Variants in CNTNAP2 observed in about 807,000 individuals in gnomAD.
The protein encoded by CNTNAP2 is contactin associated protein 2.
Under a neutral mutation model 155.2 loss-of-function variants are expected in CNTNAP2, and 98 were observed. The ratio of observed to expected loss-of-function variants is 0.63; its 90% CI spans 0.54 to 0.75. The LOEUF (loss-of-function observed/expected upper bound fraction) is 0.75, where lower values mean the gene tolerates loss of function less well. CNTNAP2 is among the 30% of genes least tolerant of loss of function. CNTNAP2 has a pLI of 0.00. For synonymous variants in CNTNAP2, 651 were observed against 631.2 expected, an observed-to-expected ratio of 1.03 and a Z score of -0.47; for missense variants, 1,727 against 1,688.1, an observed-to-expected ratio of 1.02 and a Z score of -0.40.
chr7:146,309,812 A>C (rs1306374281), intron 1 of CNTNAP2, among the ~76,000 whole-genome samples: 1 of 150,488 alleles, frequency 6.6e-6, no homozygotes, highest in Non-Finnish European at 1.5e-5. Flanking sequence ...GAAAACAAAA[A>C]AAAGAAAGAA....
At chr7:147,358,442 A>G (rs968547059) in intron 9 of CNTNAP2, among the ~76,000 whole-genome samples, 2 of 152,122 alleles carry the variant, frequency 1.3e-5, no homozygotes, top group Admixed American at 6.5e-5. Flanking sequence ...ATTTGTAAAA[A>G]CATAAAGTAA....
intron 16 of CNTNAP2, among the ~76,000 whole-genome samples, chr7:148,122,867 A>AAAAAG (rs1554474591): frequency 2.5e-4 from 38 of 150,830 alleles, no homozygotes; most frequent in Middle Eastern, 6.8e-3. Context: ...AAAAAAAAAG[A>AAAAAG]AAAAAAAAGA....
intron 1 of CNTNAP2, among the ~76,000 whole-genome samples, chr7:146,416,860 CT>C (rs936493981): frequency 2.0e-5 from 3 of 152,214 alleles, no homozygotes; most frequent in South Asian, 4.1e-4. Flanking sequence ...ATTTCGCCAT[CT>C]TTTTAAAATG....
intron 1 of CNTNAP2, among the ~76,000 whole-genome samples, chr7:146,263,215 A>G (rs141612633): frequency 6.7e-6 from 1 of 149,096 alleles, no homozygotes; most frequent in East Asian, 2.0e-4. Flanking sequence ...GCTAATTGAG[A>G]GGCTGAGGCA....
At chr7:147,577,398 C>G (rs1309183693) in intron 12 of CNTNAP2, among the ~76,000 whole-genome samples, 1 of 151,954 alleles carries the variant, frequency 6.6e-6, no homozygotes, top group East Asian at 1.9e-4. Flanking sequence ...GTTTCTTCTC[C>G]CAGTGGTATT....
intron 3 of CNTNAP2, among the ~76,000 whole-genome samples, chr7:146,904,956 C>T (rs1048675620): frequency 1.3e-5 from 2 of 152,076 alleles, no homozygotes; most frequent in African/African-American, 4.8e-5. Flanking sequence ...TACACCTTAC[C>T]ACCGCATACT....
intron 8 of CNTNAP2, among the ~76,000 whole-genome samples, chr7:147,254,665 C>A (rs1804281439): frequency 6.6e-6 from 1 of 152,148 alleles, no homozygotes; most frequent in Non-Finnish European, 1.5e-5. Context: ...ACTCGAATAA[C>A]TTTACAGTTG....
At chr7:147,095,437 A>C (rs1416117550) in intron 4 of CNTNAP2, among the ~76,000 whole-genome samples, 2 of 151,948 alleles carry the variant, frequency 1.3e-5, no homozygotes, top group African/African-American at 4.8e-5. Flanking sequence ...TGTAACATTA[A>C]GAATAAGGTT....
intron 8 of CNTNAP2, among the ~76,000 whole-genome samples, chr7:147,272,622 T>C (rs1471290544): frequency 2.0e-5 from 3 of 151,496 alleles, no homozygotes; most frequent in African/African-American, 7.3e-5. Context: ...CCTCAGCCTC[T>C]CGAGTAGCTG....
intron 21 of CNTNAP2, among the ~76,000 whole-genome samples, chr7:148,369,529 C>A (rs1798849781): frequency 6.6e-6 from 1 of 151,868 alleles, no homozygotes; most frequent in Admixed American, 6.6e-5. Context: ...CACCCAGCCT[C>A]TGTTATCATT....
chr7:147,058,960 T>C (rs1799612987), intron 4 of CNTNAP2, among the ~76,000 whole-genome samples: 1 of 152,182 alleles, frequency 6.6e-6, no homozygotes, highest in Non-Finnish European at 1.5e-5. Flanking sequence ...GATTGTGTGT[T>C]TTTTTGCACT....
At chr7:147,098,646 T>G (rs760421915) in intron 4 of CNTNAP2, among the ~76,000 whole-genome samples, 9 of 152,226 alleles carry the variant, frequency 5.9e-5, no homozygotes, top group Non-Finnish European at 1.0e-4. Context: ...TGATCAAAAC[T>G]GATTTTTCAC....
At chr7:146,711,807 T>C (rs1480397179) in intron 1 of CNTNAP2, among the ~76,000 whole-genome samples, 30 of 118,496 alleles carry the variant, frequency 2.5e-4, no homozygotes, top group African/African-American at 5.4e-4. Flanking sequence ...AGTATACACA[T>C]CTTATGTATA....
chr7:148,044,914 A>G (rs372133621), intron 15 of CNTNAP2, among the ~76,000 whole-genome samples: 1 of 152,024 alleles, frequency 6.6e-6, no homozygotes, highest in East Asian at 1.9e-4. Context: ...ACTGGTCTTA[A>G]ACTCCTAGAC....
At chr7:146,422,062 CA>C (rs1308688579) in intron 1 of CNTNAP2, among the ~76,000 whole-genome samples, 1 of 151,416 alleles carries the variant, frequency 6.6e-6, no homozygotes, top group Non-Finnish European at 1.5e-5. Context: ...TTAGTATTTT[CA>C]CATCAACTGT....
chr7:148,045,504 T>C (rs765683941), intron 15 of CNTNAP2, among the ~76,000 whole-genome samples: 18 of 152,196 alleles, frequency 1.2e-4, no homozygotes, highest in Non-Finnish European at 2.2e-4. Context: ...ATACCTGGAT[T>C]GACCGCCTTG....
chr7:146,367,171 C>T (rs1795167700), intron 1 of CNTNAP2, among the ~76,000 whole-genome samples: 1 of 152,094 alleles, frequency 6.6e-6, no homozygotes, highest in Non-Finnish European at 1.5e-5. Flanking sequence ...ATCATGGATG[C>T]TCACATTTAT....
intron 12 of CNTNAP2, among the ~76,000 whole-genome samples, chr7:147,565,233 C>T (rs1206442919): frequency 6.6e-6 from 1 of 152,088 alleles, no homozygotes; most frequent in East Asian, 1.9e-4. Context: ...GAGAGATTGG[C>T]TTATTCCAAA....
intron 1 of CNTNAP2, among the ~76,000 whole-genome samples, chr7:146,616,250 G>A (rs955046967): frequency 6.6e-6 from 1 of 152,118 alleles, no homozygotes; most frequent in East Asian, 1.9e-4. Context: ...AAAGGATCAC[G>A]GTGAGGGGAA....
Sources: allele counts gnomAD v4.1 joint callset (sites outside exome capture counted in the v4.1 genomes callset), GRCh38; gene constraint gnomAD v4.1.1; transcripts MANE v1.5; gene names NCBI Gene and HGNC (gene_info 2026-07-23, HGNC 2026-07-21).